GLIS3: variants seen among roughly 807,000 people sequenced by gnomAD.
GLIS3 encodes the protein zinc finger protein GLIS3.
Under a neutral mutation model 78.6 loss-of-function variants are expected in GLIS3, and 53 were observed. The ratio of observed to expected loss-of-function variants is 0.67; its 90% CI spans 0.54 to 0.85. The LOEUF is 0.85. Among genes scored for constraint, GLIS3 ranks in the 40% least tolerant of loss-of-function variants. GLIS3 has a pLI of 0.00. For synonymous variants in GLIS3, 684 were observed against 509.9 expected (o/e 1.34, Z -4.60); for missense variants, 1,703 against 1,231.1 (o/e 1.38, Z -5.74).
intron 4 of GLIS3, among the ~76,000 whole-genome samples, chr9:3,992,191 G>A (rs1215607214): frequency 6.6e-6 from 1 of 152,126 alleles, no homozygotes; most frequent in Non-Finnish European, 1.5e-5. Context: ...AGGAGTAGTG[G>A]CATTTATTTT....
chr9:3,896,584 T>G (rs1400099888), intron 7 of GLIS3, among the ~76,000 whole-genome samples: 1 of 144,378 alleles, frequency 6.9e-6, no homozygotes, highest in East Asian at 2.1e-4. Flanking sequence ...GAGAATTGCT[T>G]GAACCTGGGA....
chr9:4,137,009 A>T (rs1368950269), intron 2 of GLIS3, among the ~76,000 whole-genome samples: 1 of 152,202 alleles, frequency 6.6e-6, no homozygotes, highest in Non-Finnish European at 1.5e-5. Context: ...TTAGGAGCAG[A>T]GTTCACCCAA....
chr9:4,134,442 T>C (rs1044228830), intron 2 of GLIS3, among the ~76,000 whole-genome samples: 3 of 152,188 alleles, frequency 2.0e-5, no homozygotes, highest in Non-Finnish European at 4.4e-5. Flanking sequence ...CTGGCCTCCA[T>C]ACCCAGCTTG....
intron 2 of GLIS3, among the ~76,000 whole-genome samples, chr9:4,251,948 C>T (rs1336085118): frequency 6.6e-6 from 1 of 152,188 alleles, no homozygotes; most frequent in Admixed American, 6.5e-5. Context: ...TCTCTTCTGG[C>T]TTGTAGGGTT....
At chr9:4,341,659 CCA>C (rs1587395184) in intron 2 of GLIS3, among the ~76,000 whole-genome samples, 2 of 152,208 alleles carry the variant, frequency 1.3e-5, no homozygotes, top group African/African-American at 4.8e-5. Flanking sequence ...TAGAAAAAGA[CCA>C]CAGTCTTACA....
chr9:4,284,751 A>G (rs936553803), intron 2 of GLIS3, among the ~76,000 whole-genome samples: 21 of 151,796 alleles, frequency 1.4e-4, no homozygotes, highest in African/African-American at 4.6e-4. Flanking sequence ...TCTCAAAAAA[A>G]AAAAAAGAAA....
rs1816571558 is a variant in GLIS3 at position 3,950,028 on chromosome 9, C to T, written c.1711-12839G>A. On this transcript the variant is annotated intron_variant, in intron 4 of 10. Coordinates refer to ENST00000381971, the MANE Select transcript of GLIS3 (RefSeq NM_001042413.2). ...TTCCAACACTTAACAATGACCTTTTCCCCCAGAGCCTTCACTGCCTGCTCT... is the reference window on the plus strand; with the variant it reads ...TTCCAACACTTAACAATGACCTTTTTCCCCAGAGCCTTCACTGCCTGCTCT... Among the ~76,000 whole-genome samples, 4 of 152,174 alleles carry T rather than the reference C, an allele frequency of 2.6e-5. No individual in the cohort carries two copies. The South Asian group carries it at 8.3e-4, about 32-fold the overall frequency.
chr9:4,100,420 C>G (rs1830280650), intron 4 of GLIS3, among the ~76,000 whole-genome samples: 1 of 152,074 alleles, frequency 6.6e-6, no homozygotes, highest in Non-Finnish European at 1.5e-5. Context: ...TAAAAGACAC[C>G]TGGATAATCA....
chr9:4,432,372 G>T, the GLIS3 span, among the ~76,000 whole-genome samples: 1 of 152,196 alleles, frequency 6.6e-6, no homozygotes, highest in Non-Finnish European at 1.5e-5. Context: ...TGGGGGGACA[G>T]CATGAGCAAA....
chr9:4,267,073 G>A (rs1395498634), intron 2 of GLIS3, among the ~76,000 whole-genome samples: 7 of 152,258 alleles, frequency 4.6e-5, no homozygotes, highest in African/African-American at 1.7e-4. Flanking sequence ...GAGAATGCAT[G>A]AGCGTAAAGG....
chr9:4,070,498 G>T (rs1034611098), intron 4 of GLIS3, among the ~76,000 whole-genome samples: 2 of 151,546 alleles, frequency 1.3e-5, no homozygotes, highest in South Asian at 2.1e-4. Flanking sequence ...GTGCATGTGC[G>T]TAAGTATTTG....
intron 4 of GLIS3, among the ~76,000 whole-genome samples, chr9:3,973,026 G>T (rs559978748): frequency 2.1e-3 from 312 of 152,114 alleles, no homozygotes; most frequent in Non-Finnish European, 2.2e-3. Context: ...ACACCTTCAG[G>T]TGCAATAATT....
chr9:3,853,404 C>T (rs1314638610), intron 9 of GLIS3, among the ~76,000 whole-genome samples: 4 of 152,046 alleles, frequency 2.6e-5, no homozygotes, highest in Non-Finnish European at 4.4e-5. Flanking sequence ...GTGTCAATCA[C>T]TTAGTCAGTA....
intron 2 of GLIS3, among the ~76,000 whole-genome samples, chr9:4,128,813 C>T (rs1403504665): frequency 6.6e-6 from 1 of 152,160 alleles, no homozygotes; most frequent in African/African-American, 2.4e-5. Flanking sequence ...TAAAGAAATG[C>T]TAATTATCTC....
At chr9:3,981,840 G>A (rs1428627334) in intron 4 of GLIS3, among the ~76,000 whole-genome samples, 1 of 152,080 alleles carries the variant, frequency 6.6e-6, no homozygotes, top group East Asian at 1.9e-4. Context: ...TGGATGCCTA[G>A]CCACTTTTTG....
At chr9:3,869,078 AC>A (rs1464834533) in intron 8 of GLIS3, among the ~76,000 whole-genome samples, 1 of 152,130 alleles carries the variant, frequency 6.6e-6, no homozygotes. Context: ...GGTCTTATTT[AC>A]CACTATAGCC....
At chr9:4,175,993 T>C (rs1424021390) in intron 2 of GLIS3, among the ~76,000 whole-genome samples, 1 of 152,168 alleles carries the variant, frequency 6.6e-6, no homozygotes, top group Non-Finnish European at 1.5e-5. Context: ...AATATCTTTA[T>C]GTTGATGAGT....
chr9:4,027,010 G>C (rs945531822), intron 4 of GLIS3, among the ~76,000 whole-genome samples: 1 of 152,160 alleles, frequency 6.6e-6, no homozygotes, highest in Non-Finnish European at 1.5e-5. Flanking sequence ...ATGTGGGAGA[G>C]GGAGAAGGAG....
Position 3,853,583 on chromosome 9 carries a change from T to C in GLIS3, c.2473+2426A>G, listed in dbSNP as rs188452844. Among the ~76,000 whole-genome samples the C allele has an allele frequency of 7.2e-5, 11 of 152,332 alleles. 1 individual carries two copies. The highest frequency in any genetic ancestry group is 6.5e-4 in the Admixed American group (10 of 15,306). ...TGCCAGGTGCTTTTTTTGTCAAATC[T>C]TCCTAACAACTGAAGAGAGAAGATA... On this transcript the variant is annotated intron_variant, in intron 9 of 10. Transcript: ENST00000381971.
Sources: allele counts gnomAD v4.1 joint callset (sites outside exome capture counted in the v4.1 genomes callset), GRCh38; gene constraint gnomAD v4.1.1; transcripts MANE v1.5; gene names NCBI Gene and HGNC (gene_info 2026-07-23, HGNC 2026-07-21).